FBXL14: variants seen among roughly 807,000 people sequenced by gnomAD.
FBXL14 encodes the protein F-box and leucine rich repeat protein 14.
In FBXL14, 11 loss-of-function variants were observed where a neutral mutation model predicts 24.5. The ratio of observed to expected loss-of-function variants is 0.45; its 90% CI spans 0.28 to 0.74. The LOEUF (loss-of-function observed/expected upper bound fraction) is 0.74, where lower values mean the gene tolerates loss of function less well. Ranked by LOEUF, FBXL14 falls within the 30% of genes least tolerant of loss-of-function variation. The probability of loss-of-function intolerance (pLI) is 0.12; values close to 1 mark genes in which losing one functional copy is unlikely to be tolerated. For synonymous variants in FBXL14, 294 were observed against 240.4 expected (o/e 1.22, Z -2.06); for missense variants, 384 against 545.6 (o/e 0.70, Z 2.95).
Position 1,566,802 on chromosome 12 carries a change from T to G in FBXL14, c.1203A>C (p.Arg401=), listed in dbSNP as rs74058766. The G allele has an allele frequency of 3.3e-5, 26 of 780,800 alleles. No individual in the cohort carries two copies. The African/African-American group carries it at 4.2e-4, about 13-fold the overall frequency. The allele number at this position is 780,800 out of a possible 1,614,324, so 48.4% of individuals were successfully genotyped here. The change falls in exon 2 of 2, where the codon CGA becomes CGC. Residue 401 remains arginine (R), a synonymous_variant. Transcript: ENST00000339235. ...CAGTGAATAATGGAGAAAAATCCCC[T>G]CGTGCCTCCTGCAGTGGGAAGAAGA... ...WQMTDSEKEA[R]GDFSPLFTVR...
intron 1 of FBXL14, among the ~76,000 whole-genome samples, chr12:1,583,670 G>A (rs768054862): frequency 6.6e-6 from 1 of 152,206 alleles, no homozygotes; most frequent in Non-Finnish European, 1.5e-5. Context: ...GCCACCTACT[G>A]ACAAGACCAA....
chr12:1,593,009 T>C lies in FBXL14; in HGVS notation c.1058A>G (p.Glu353Gly), dbSNP rs770585370. 5.6e-6 allele frequency: 9 copies of C among 1,612,566 alleles called. No homozygotes were observed. The highest frequency in any genetic ancestry group is 3.3e-5 in the Admixed American group (2 of 60,030). Residue 353 changes from glutamate (E) to glycine (G), a missense_variant, in exon 1 of 2, where the codon GAG becomes GGG. Glu to Gly is a moderately conservative substitution (Grantham distance 98). Coordinates refer to ENST00000339235, the MANE Select transcript of FBXL14 (RefSeq NM_152441.3). The surrounding 1 kb of genome is among the most constrained non-coding windows in gnomAD (Gnocchi z 7.4). The stretch of plus-strand genomic sequence containing the variant: ...TATGCCGGTGAGTTGGCTCAGGTGC[T>C]CAGCGATCAGCTCCAGGCCCTTGTC... ...ITDKGLELIAEHLSQLTGIDL... is the reference protein window; with the variant it reads ...ITDKGLELIAGHLSQLTGIDL...
chr12:1,577,667 G>A (rs2094458602), intron 1 of FBXL14, among the ~76,000 whole-genome samples: 1 of 152,198 alleles, frequency 6.6e-6, no homozygotes, highest in Admixed American at 6.5e-5. Flanking sequence ...GGCAGGGCAG[G>A]GTGAGCAGGG....
chr12:1,583,121 A>T (rs1023477384), intron 1 of FBXL14, among the ~76,000 whole-genome samples: 3 of 149,852 alleles, frequency 2.0e-5, no homozygotes, highest in Middle Eastern at 3.2e-3. Flanking sequence ...TTTAATAAAA[A>T]TTAAAAAAAA....
In FBXL14 at chr12:1,594,397, CGCCGCGCCCGG is replaced by C. The variant is rs1246772394; in HGVS notation, c.-342_-332del. ...GCCGCCGCCGCCTCGGCTCTACCCA[CGCCGCGCCCGG>C]GCCGCGCCGCTCCGCCCGCGCCGCC... is the stretch of plus-strand genomic sequence containing the variant. On this transcript the variant is annotated 5_prime_UTR_variant, in exon 1 of 2. The change abolishes the stop of an existing upstream ORF in the 5' untranslated region. Coordinates refer to ENST00000339235, the MANE Select transcript of FBXL14 (RefSeq NM_152441.3). Among the ~76,000 whole-genome samples the C allele has an allele frequency of 1.4e-5, 2 of 145,626 alleles. No individual in the cohort carries two copies. The highest frequency in any genetic ancestry group is 3.1e-5 in the Non-Finnish European group (2 of 65,526).
At chr12:1,570,474 C>T (rs933293161) in intron 1 of FBXL14, among the ~76,000 whole-genome samples, 5 of 152,100 alleles carry the variant, frequency 3.3e-5, no homozygotes, top group East Asian at 1.9e-4. Context: ...GGTGGGGTCT[C>T]GTGCCTGAAG....
rs572043923 is a variant in FBXL14 at position 1,567,334 on chromosome 12, A to G, written c.1195-524T>C. On this transcript the variant is annotated intron_variant, in intron 1 of 1. Coordinates refer to ENST00000339235, the MANE Select transcript of FBXL14 (RefSeq NM_152441.3). This position sits in a 1 kb window ranked among gnomAD's most constrained non-coding sequence, Gnocchi z 4.8. ...AAATTAAAAAAAAGGAAAAGAAAGA[A>G]AAGAAAAATTAGCTGGGCGTGGTGG... is the stretch of plus-strand genomic sequence containing the variant. 1.3e-5 allele frequency among the ~76,000 whole-genome samples: 2 copies of G among 152,094 alleles called. No individual in the cohort carries two copies. The highest frequency in any genetic ancestry group is 3.9e-4 in the East Asian group (2 of 5,168).
At position 1,566,253 on chromosome 12, in the gene FBXL14, G is replaced by A. The variant is rs2094436063; in HGVS notation, c.*495C>T. 1 of 152,446 alleles carries A rather than the reference G, an allele frequency of 6.6e-6. No individual in the cohort carries two copies. Among genetic ancestry groups the A allele is most frequent in the Non-Finnish European group, 1.5e-5 (1 of 68,062 alleles). The allele number at this position is 152,446 out of a possible 1,614,324, so 9.4% of individuals were successfully genotyped here. ...GGTCATCCAGATGTATTTTCTTTGGGGAGTTGTGAATTCCTTGTGTGTCCA... is the reference window on the plus strand; with the variant it reads ...GGTCATCCAGATGTATTTTCTTTGGAGAGTTGTGAATTCCTTGTGTGTCCA... On this transcript the variant is annotated 3_prime_UTR_variant, in exon 2 of 2. Coordinates refer to ENST00000339235, the MANE Select transcript of FBXL14 (RefSeq NM_152441.3).
At chr12:1,582,168 GGAAAAGAAA>G (rs1421432817) in intron 1 of FBXL14, among the ~76,000 whole-genome samples, 3 of 136,682 alleles carry the variant, frequency 2.2e-5, no homozygotes, top group Middle Eastern at 3.6e-3. Context: ...AAGGAAAGAA[GGAAAAGAAA>G]GAAAAGAAAG....
intron 1 of FBXL14, among the ~76,000 whole-genome samples, chr12:1,570,664 G>C (rs866092758): frequency 1.3e-5 from 2 of 152,242 alleles, no homozygotes; most frequent in Middle Eastern, 3.4e-3. Flanking sequence ...CAGGGGAAGG[G>C]CAGTCAAGTT....
At chr12:1,586,615 T>C (rs1315065793) in intron 1 of FBXL14, among the ~76,000 whole-genome samples, 1 of 152,222 alleles carries the variant, frequency 6.6e-6, no homozygotes, top group East Asian at 1.9e-4. Context: ...GCAGCCCAGG[T>C]TCTGACACTA....
chr12:1,583,484 T>C (rs1227303523), intron 1 of FBXL14, among the ~76,000 whole-genome samples: 1 of 152,196 alleles, frequency 6.6e-6, no homozygotes, highest in South Asian at 2.1e-4. Context: ...CTCACTGATA[T>C]TTTAAAATTC....
chr12:1,566,050 C>T lies in FBXL14; in HGVS notation c.*698G>A, dbSNP rs1191242608. On this transcript the variant is annotated 3_prime_UTR_variant, in exon 2 of 2. Transcript: ENST00000339235. ...ACATTGTTCCCATTAAAATGGAAAC[C>T]CCGTGGGGAGAGGAAATGCATCTGT... The T allele has an allele frequency of 6.6e-6, 1 of 152,470 alleles. No homozygotes were observed. The highest frequency in any genetic ancestry group is 1.5e-5 in the Non-Finnish European group (1 of 68,006). The allele number at this position is 152,470 out of a possible 1,614,324, so 9.4% of individuals were successfully genotyped here. A position where few individuals can be genotyped will look rare whatever the true frequency, so the allele number is the denominator to read the frequency against.
At chr12:1,576,310 C>T (rs1239973658) in intron 1 of FBXL14, among the ~76,000 whole-genome samples, 1 of 152,108 alleles carries the variant, frequency 6.6e-6, no homozygotes, top group African/African-American at 2.4e-5. Flanking sequence ...TGGGGGCCGG[C>T]AGTGTCAGTC....
intron 1 of FBXL14, among the ~76,000 whole-genome samples, chr12:1,570,737 T>C (rs1289704099): frequency 6.6e-6 from 1 of 152,172 alleles, no homozygotes; most frequent in Non-Finnish European, 1.5e-5. Context: ...CCCATCTTAG[T>C]CAGAACATAC....
At chr12:1,587,107 C>T (rs1274695224) in intron 1 of FBXL14, among the ~76,000 whole-genome samples, 1 of 152,048 alleles carries the variant, frequency 6.6e-6, no homozygotes, top group Non-Finnish European at 1.5e-5. Flanking sequence ...CGTGGTGGCA[C>T]ACGCCTGTAA....
chr12:1,588,528 A>G (rs1335867356), intron 1 of FBXL14, among the ~76,000 whole-genome samples: 2 of 152,212 alleles, frequency 1.3e-5, no homozygotes, highest in African/African-American at 4.8e-5. Flanking sequence ...AAGTTGGACA[A>G]GTTAGGGGCC....
At chr12:1,575,054 C>T (rs973083802) in intron 1 of FBXL14, among the ~76,000 whole-genome samples, 37 of 152,292 alleles carry the variant, frequency 2.4e-4, no homozygotes, top group African/African-American at 8.2e-4. Context: ...AAAAATATCT[C>T]TGCTTGTCTT....
At position 1,593,053 on chromosome 12, in the gene FBXL14, T is replaced by C. The variant is rs2302029; in HGVS notation, c.1014A>G (p.Gly338=). 4,737 of 1,612,532 alleles carry C rather than the reference T, an allele frequency of 2.9e-3. 33 individuals are homozygous for C. The highest frequency in any genetic ancestry group is 0.028 in the East Asian group (1,258 of 44,866). The change falls in exon 1 of 2, where the codon GGA becomes GGG. Residue 338 remains glycine, a synonymous_variant. Coordinates refer to ENST00000339235, the MANE Select transcript of FBXL14 (RefSeq NM_152441.3). This position sits in a 1 kb window ranked among gnomAD's most constrained non-coding sequence, Gnocchi z 7.4. ...QMHGLRTLNI[G]QCVRITDKGL... is the part of the protein sequence containing the mutation. ...CCTTGTCCGTGATGCGCACACACTG[T>C]CCAATGTTGAGCGTGCGCAGCCCGT...
Sources: allele counts gnomAD v4.1 joint callset (sites outside exome capture counted in the v4.1 genomes callset), GRCh38; gene constraint gnomAD v4.1.1; non-coding constraint Gnocchi (gnomAD v3.1); transcripts MANE v1.5; gene names NCBI Gene and HGNC (gene_info 2026-07-23, HGNC 2026-07-21).